GRIN3A: variants seen among roughly 807,000 people sequenced by gnomAD.
GRIN3A encodes glutamate receptor ionotropic, NMDA 3A.
In GRIN3A, 47 loss-of-function variants were observed where a neutral mutation model predicts 92.4. The observed-to-expected ratio is 0.51, with a 90% CI of 0.40 to 0.65. The LOEUF (loss-of-function observed/expected upper bound fraction) is 0.65. Among genes scored for constraint, GRIN3A ranks in the 30% least tolerant of loss-of-function variants. The pLI, the probability that GRIN3A is intolerant of heterozygous loss-of-function variation, is 0.00. For synonymous variants in GRIN3A, 527 were observed against 540.6 expected, an observed-to-expected ratio of 0.97 and a Z score of 0.35; for missense variants, 1,324 against 1,393.1, an observed-to-expected ratio of 0.95 and a Z score of 0.79.
intron 1 of GRIN3A, among the ~76,000 whole-genome samples, chr9:101,711,409 T>C (rs1829875941): frequency 6.6e-6 from 1 of 152,134 alleles, no homozygotes; most frequent in African/African-American, 2.4e-5. Flanking sequence ...ATGGAAAACT[T>C]ATGAATTGTT....
At chr9:101,652,510 A>G (rs1332145093) in intron 3 of GRIN3A, among the ~76,000 whole-genome samples, 1 of 151,964 alleles carries the variant, frequency 6.6e-6, no homozygotes, top group Non-Finnish European at 1.5e-5. Flanking sequence ...TTAAATTCCC[A>G]GGAGAGCCAG....
chr9:101,701,510 T>C (rs746537671), intron 1 of GRIN3A, among the ~76,000 whole-genome samples: 1 of 151,962 alleles, frequency 6.6e-6, no homozygotes, highest in Non-Finnish European at 1.5e-5. Context: ...TTTCACCATA[T>C]ACAAAAATCA....
In GRIN3A at chr9:101,569,563, C is replaced by T. The variant is rs1027149844; in HGVS notation, c.*3611G>A. 1.3e-5 allele frequency: 2 copies of T among 152,046 alleles called. No individual in the cohort carries two copies. Among genetic ancestry groups the T allele is most frequent in the Admixed American group, 1.3e-4 (2 of 15,262 alleles). The allele number at this position is 152,046 out of a possible 1,614,324, so 9.4% of individuals were successfully genotyped here. A position where few individuals can be genotyped will look rare whatever the true frequency, so the allele number is the denominator to read the frequency against. ...ATGAAGACACAATGCAAATACTCTTCACAAACCTTAAGAAAATACTTATAA... is the reference window on the plus strand; with the variant it reads ...ATGAAGACACAATGCAAATACTCTTTACAAACCTTAAGAAAATACTTATAA... On this transcript the variant is annotated 3_prime_UTR_variant, in exon 9 of 9. Coordinates refer to ENST00000361820, the MANE Select transcript of GRIN3A (RefSeq NM_133445.3).
intron 1 of GRIN3A, among the ~76,000 whole-genome samples, chr9:101,734,819 A>G (rs918041999): frequency 3.9e-5 from 6 of 152,006 alleles, no homozygotes; most frequent in Non-Finnish European, 8.8e-5. Context: ...GTTGTGTGAA[A>G]AAGTCCACTT....
At chr9:101,595,130 A>C in intron 6 of GRIN3A, 3 of 555,368 alleles carry the variant, frequency 5.4e-6, no homozygotes, top group Non-Finnish European at 9.6e-6. Context: ...AAGGAGGGAA[A>C]AGGGGGCGGA....
At chr9:101,623,538 A>C (rs1828587039) in intron 4 of GRIN3A, 105 bp from the exon 5 acceptor site, 1 of 783,908 alleles carries the variant, frequency 1.3e-6, no homozygotes, top group African/African-American at 1.7e-5. Context: ...CCGAACACTA[A>C]GGGCCGCACA....
At chr9:101,719,490 T>G (rs1047644221) in intron 1 of GRIN3A, among the ~76,000 whole-genome samples, 16 of 152,100 alleles carry the variant, frequency 1.1e-4, no homozygotes, top group African/African-American at 3.6e-4. Flanking sequence ...AATGGCCTCT[T>G]AAGTCAGTTA....
At chr9:101,687,701 C>T (rs1829558103) in intron 1 of GRIN3A, among the ~76,000 whole-genome samples, 1 of 152,158 alleles carries the variant, frequency 6.6e-6, no homozygotes, top group Non-Finnish European at 1.5e-5. Context: ...GTTTCCTAAA[C>T]TTCCAGCCCC....
intron 3 of GRIN3A, among the ~76,000 whole-genome samples, chr9:101,633,280 T>C (rs1828737446): frequency 6.6e-6 from 1 of 152,218 alleles, no homozygotes; most frequent in Non-Finnish European, 1.5e-5. Flanking sequence ...GGACCTGGTA[T>C]TATGTTCTTT....
chr9:101,671,928 T>C (rs1829332351), intron 2 of GRIN3A, among the ~76,000 whole-genome samples: 1 of 152,164 alleles, frequency 6.6e-6, no homozygotes, highest in Non-Finnish European at 1.5e-5. Context: ...GCACTTACAG[T>C]ATATGTTCTG....
chr9:101,653,520 T>G (rs1026677192), intron 3 of GRIN3A, among the ~76,000 whole-genome samples: 1 of 151,942 alleles, frequency 6.6e-6, no homozygotes, highest in Non-Finnish European at 1.5e-5. Flanking sequence ...CATTTTTTAT[T>G]TTCTCTGTCC....
intron 1 of GRIN3A, among the ~76,000 whole-genome samples, chr9:101,712,118 G>T (rs933144905): frequency 6.6e-6 from 1 of 152,102 alleles, no homozygotes; most frequent in Non-Finnish European, 1.5e-5. Context: ...ACTGCTTGGA[G>T]AATTTAAATT....
chr9:101,573,387 G>A lies in GRIN3A; in HGVS notation c.3135C>T (p.Asp1045=). Residue 1045 remains aspartate (D), a synonymous_variant, in exon 9 of 9, where the codon GAC becomes GAT. Coordinates refer to ENST00000361820, the MANE Select transcript of GRIN3A (RefSeq NM_133445.3). ...CTCTTCTCCTTGGAGGGAGGGGGAT[G>A]TCCTGGTGGATCCGGATGCCCAGCT... ...QNQLGIRIHQ[D]IPLPPRRREL... is the part of the protein sequence containing the mutation. The A allele has an allele frequency of 1.2e-6, 2 of 1,614,092 alleles. No individual in the cohort carries two copies. Among genetic ancestry groups the A allele is most frequent in the South Asian group, 1.1e-5 (1 of 91,072 alleles).
rs554547518 is a variant in GRIN3A at position 101,723,933 on chromosome 9, T to C, written c.699+13348A>G. Among the ~76,000 whole-genome samples, 53 of 152,214 alleles carry C rather than the reference T, an allele frequency of 3.5e-4. No homozygotes were observed. The South Asian group carries it at 1.0e-2, about 29-fold the overall frequency. On this transcript the variant is annotated intron_variant, in intron 1 of 8. Coordinates refer to ENST00000361820, the MANE Select transcript of GRIN3A (RefSeq NM_133445.3). ...AGAGTAGCTAGATACAGAGTGTCCA[T>C]TGGTGCATTCACAAACCCTGAGCTA...
At chr9:101,642,969 A>G (rs928571919) in intron 3 of GRIN3A, among the ~76,000 whole-genome samples, 1 of 152,158 alleles carries the variant, frequency 6.6e-6, no homozygotes, top group African/African-American at 2.4e-5. Context: ...TGTGTATCAT[A>G]ATGTAGAAAT....
At chr9:101,588,068 TGG>T (rs1827970617) in intron 6 of GRIN3A, among the ~76,000 whole-genome samples, 2 of 152,314 alleles carry the variant, frequency 1.3e-5, no homozygotes, top group Admixed American at 6.5e-5. Context: ...ACATGAAATG[TGG>T]GCTCCAGATG....
At chr9:101,603,112 G>A (rs979771215) in intron 6 of GRIN3A, 1 of 152,130 alleles carries the variant, frequency 6.6e-6, no homozygotes, top group African/African-American at 2.4e-5. Context: ...CCAGAATCAT[G>A]CATTTCTCAT....
chr9:101,651,956 TA>T (rs1829020837), intron 3 of GRIN3A, among the ~76,000 whole-genome samples: 2 of 151,974 alleles, frequency 1.3e-5, no homozygotes, highest in East Asian at 3.9e-4. Flanking sequence ...TCTGATCCCT[TA>T]AATTTGATAA....
rs933153904 is a variant in GRIN3A, at chr9:101,670,341, A to G, written c.2071T>C (p.Phe691Leu). 6.2e-7 allele frequency: 1 copy of G among 1,613,926 alleles called. No homozygotes were observed. The highest frequency in any genetic ancestry group is 8.5e-7 in the Non-Finnish European group (1 of 1,179,968). Residue 691 changes from phenylalanine (F) to leucine (L), a missense_variant, in exon 3 of 9, where the codon TTC becomes CTC. Transcript: ENST00000361820. ...IFVALHITAV[F>L]LTLYEWKSPF... Reference sequence around the variant, plus strand: ...CTCTTCCATTCATACAGAGTGAGGAAGACGGCAGTGATGTGCAGAGCCACA... The same window carrying G: ...CTCTTCCATTCATACAGAGTGAGGAGGACGGCAGTGATGTGCAGAGCCACA...
Sources: gnomAD v4.1 joint callset for allele counts (sites outside exome capture counted in the v4.1 genomes callset) on GRCh38, gnomAD v4.1.1 for gene constraint, MANE v1.5 for transcripts, NCBI Gene and HGNC (gene_info 2026-07-23, HGNC 2026-07-21) for gene names.